The following MTUS1 variants were observed in gnomAD, a reference collection of about 807,000 sequenced individuals.
MTUS1 encodes the protein microtubule-associated tumor suppressor 1.
Under a neutral mutation model 120.8 loss-of-function variants are expected in MTUS1, and 109 were observed. The ratio of observed to expected loss-of-function variants is 0.90; its 90% confidence interval spans 0.77 to 1.06. The LOEUF (loss-of-function observed/expected upper bound fraction) is 1.06. Ranked by LOEUF, MTUS1 falls within the 50% of genes least tolerant of loss-of-function variation. The pLI, the probability that MTUS1 is intolerant of heterozygous loss-of-function variation, is 0.00. For synonymous variants in MTUS1, 737 were observed against 550.5 expected (o/e 1.34, Z -4.74); for missense variants, 2,210 against 1,486.3 (o/e 1.49, Z -8.01).
chr8:17,725,530 C>A (rs1435360729), intron 3 of MTUS1, among the ~76,000 whole-genome samples: 1 of 152,158 alleles, frequency 6.6e-6, no homozygotes, highest in African/African-American at 2.4e-5. Context: ...TCAAAGAGCT[C>A]TTCTTCCACC....
At chr8:17,759,903 A>AT (rs935886862) in intron 1 of MTUS1, among the ~76,000 whole-genome samples, 14 of 150,906 alleles carry the variant, frequency 9.3e-5, no homozygotes, top group East Asian at 3.9e-4. Flanking sequence ...TGGGTTTATG[A>AT]TTTTTTTTTA....
chr8:17,759,347 T>G (rs1168374831), intron 1 of MTUS1, among the ~76,000 whole-genome samples: 1 of 151,156 alleles, frequency 6.6e-6, no homozygotes, highest in East Asian at 1.9e-4. Context: ...TACTGCAGCC[T>G]CAACCTCCTA....
intron 1 of MTUS1, among the ~76,000 whole-genome samples, chr8:17,761,963 C>G (rs1051973708): frequency 6.6e-6 from 1 of 152,172 alleles, no homozygotes; most frequent in African/African-American, 2.4e-5. Flanking sequence ...AACATCTAAG[C>G]TATCATTTTA....
At chr8:17,751,833 G>A (rs2048216672) in intron 2 of MTUS1, among the ~76,000 whole-genome samples, 1 of 144,496 alleles carries the variant, frequency 6.9e-6, no homozygotes, top group Non-Finnish European at 1.5e-5. Flanking sequence ...ACTCCAGCCT[G>A]GCGAAAGAGC....
intron 8 of MTUS1, among the ~76,000 whole-genome samples, chr8:17,656,465 T>C (rs1014292963): frequency 1.4e-5 from 2 of 147,232 alleles, no homozygotes; most frequent in African/African-American, 5.0e-5. Context: ...GAGGCGGAGG[T>C]TGTAGTGAGC....
chr8:17,649,503 G>C (rs957864493), intron 13 of MTUS1, among the ~76,000 whole-genome samples: 1 of 152,042 alleles, frequency 6.6e-6, no homozygotes, highest in African/African-American at 2.4e-5. Context: ...ACCTGTCCAG[G>C]GTGGCTGGTA....
At chr8:17,673,615 C>G (rs1039541498) in intron 8 of MTUS1, among the ~76,000 whole-genome samples, 1 of 152,132 alleles carries the variant, frequency 6.6e-6, no homozygotes, top group South Asian at 2.1e-4. Context: ...CCATGCTTGG[C>G]TGATTTTTAA....
At chr8:17,674,500 G>A (rs923763302) in intron 8 of MTUS1, 13 of 985,158 alleles carry the variant, frequency 1.3e-5, no homozygotes, top group Non-Finnish European at 1.6e-5. Flanking sequence ...GAACCCTAAG[G>A]GCTTCCAGGA....
At chr8:17,663,333 T>C (rs1810181240) in intron 8 of MTUS1, among the ~76,000 whole-genome samples, 1 of 152,254 alleles carries the variant, frequency 6.6e-6, no homozygotes, top group Non-Finnish European at 1.5e-5. Context: ...ATAAATGTAC[T>C]GTTTACAGAG....
chr8:17,722,383 A>G, intron 4 of MTUS1: 1 of 982,560 alleles, frequency 1.0e-6, no homozygotes, highest in Non-Finnish European at 1.2e-6. Flanking sequence ...TTGCTTTGCA[A>G]GACAAAGAGA....
intron 2 of MTUS1, chr8:17,748,128 A>T (rs1365979868): frequency 6.6e-6 from 1 of 152,166 alleles, no homozygotes; most frequent in East Asian, 1.9e-4. Flanking sequence ...GTCTACTGTC[A>T]TATCACCCTG....
At chr8:17,701,934 T>C (rs533532598) in intron 6 of MTUS1, among the ~76,000 whole-genome samples, 16 of 152,348 alleles carry the variant, frequency 1.1e-4, no homozygotes, top group Admixed American at 3.9e-4. Flanking sequence ...AATAAACTTA[T>C]TAAACTTAAA....
chr8:17,746,086 T>C (rs552227809), intron 2 of MTUS1, among the ~76,000 whole-genome samples: 1 of 152,218 alleles, frequency 6.6e-6, no homozygotes, highest in Non-Finnish European at 1.5e-5. Flanking sequence ...TAAACCTCTT[T>C]TCTTTATAAA....
intron 6 of MTUS1, among the ~76,000 whole-genome samples, chr8:17,701,223 A>T (rs2130912517): frequency 6.6e-6 from 1 of 152,314 alleles, no homozygotes; most frequent in African/African-American, 2.4e-5. Flanking sequence ...ATTAATTGCA[A>T]CATTTTCTTC....
intron 8 of MTUS1, among the ~76,000 whole-genome samples, chr8:17,666,574 G>A (rs1201249723): frequency 2.0e-5 from 3 of 152,136 alleles, no homozygotes; most frequent in Non-Finnish European, 2.9e-5. Flanking sequence ...GAACCACCTG[G>A]ATGATCATTA....
chr8:17,680,335 G>A (rs1167254965), intron 7 of MTUS1, among the ~76,000 whole-genome samples: 41 of 151,814 alleles, frequency 2.7e-4, no homozygotes, highest in Admixed American at 2.6e-3. Context: ...ATGGTGGTGG[G>A]CATCCGTAAT....
rs572225491 is a variant in MTUS1, at chr8:17,711,146, C to A, written c.2623+2068G>T. ...TAGAATTTTCAGAATGGTAAGTGAA[C>A]GTCAGCTTCAACTTAAAATTACCAG... On this transcript the variant is annotated intron_variant, in intron 6 of 14. Transcript: ENST00000693296. Among the ~76,000 whole-genome samples, 3 of 152,286 alleles carry A rather than the reference C, an allele frequency of 2.0e-5. No homozygotes were observed. In the Middle Eastern group the frequency reaches 0.01, roughly 518 times the overall value.
chr8:17,749,668 A>AAG (rs976564804), intron 2 of MTUS1, among the ~76,000 whole-genome samples: 2 of 149,872 alleles, frequency 1.3e-5, no homozygotes, highest in Admixed American at 6.6e-5. Context: ...TCAAAAAAAA[A>AAG]AAAAAAAAAA....
intron 6 of MTUS1, among the ~76,000 whole-genome samples, chr8:17,690,883 T>A (rs909798093): frequency 2.0e-5 from 3 of 152,172 alleles, no homozygotes; most frequent in Admixed American, 2.0e-4. Context: ...TATTCAATAT[T>A]AGATACCTCT....
Sources: allele counts gnomAD v4.1 joint callset (sites outside exome capture counted in the v4.1 genomes callset), GRCh38; gene constraint gnomAD v4.1.1; transcripts MANE v1.5; gene names NCBI Gene and HGNC (gene_info 2026-07-23, HGNC 2026-07-21).